The following AGBL1 variants were observed in gnomAD, a reference collection of about 807,000 sequenced individuals.
The protein encoded by AGBL1 is cytosolic carboxypeptidase 4.
A neutral mutation model predicts 118.9 loss-of-function variants in AGBL1; 130 were observed. The observed-to-expected ratio is 1.09, with a 90% confidence interval of 0.95 to 1.26. The LOEUF (loss-of-function observed/expected upper bound fraction) is 1.26. AGBL1 is among the 50% of genes most tolerant of loss of function. AGBL1 has a pLI of 0.00. For missense variants in AGBL1, 1,584 were observed against 1,298.1 expected (o/e 1.22, Z -3.38); for synonymous variants, 555 against 478.9 (o/e 1.16, Z -2.08).
intron 22 of AGBL1, among the ~76,000 whole-genome samples, chr15:86,864,016 G>A (rs948713963): frequency 6.6e-6 from 1 of 152,176 alleles, no homozygotes; most frequent in African/African-American, 2.4e-5. Context: ...GAACAGCAAA[G>A]TCCCACCTGC....
At chr15:86,646,105 C>A (rs536797482) in intron 21 of AGBL1, among the ~76,000 whole-genome samples, 1 of 152,100 alleles carries the variant, frequency 6.6e-6, no homozygotes, top group Non-Finnish European at 1.5e-5. Context: ...GTGTTTATTT[C>A]CCCGTCTTAC....
At chr15:86,281,087 G>A (rs1348232865) in intron 16 of AGBL1, among the ~76,000 whole-genome samples, 2 of 152,138 alleles carry the variant, frequency 1.3e-5, no homozygotes, top group Admixed American at 1.3e-4. Context: ...CACTGCACAT[G>A]AAAAGTCTAC....
intron 22 of AGBL1, among the ~76,000 whole-genome samples, chr15:86,772,592 A>G (rs1254683119): frequency 6.6e-6 from 1 of 152,034 alleles, no homozygotes; most frequent in African/African-American, 2.4e-5. Flanking sequence ...GAGTGAGCAG[A>G]GAAGAGGGCC....
rs769786915 is a variant in AGBL1, at chr15:86,512,924, A to AT, written c.2556-9880dup. On this transcript the variant is annotated intron_variant, in intron 18 of 22. Transcript: ENST00000614907. ...AGTTATTATTTTTTTTAAATTATAG[A>AT]TTTTTTCCTTTTTTCAAGTTATAAC... Among the ~76,000 whole-genome samples the AT allele has an allele frequency of 1.0e-3, 158 of 150,814 alleles. 1 individual carries two copies. Among genetic ancestry groups the AT allele is most frequent in the African/African-American group, 3.7e-3 (152 of 41,242 alleles).
intron 22 of AGBL1, among the ~76,000 whole-genome samples, chr15:86,724,372 C>T (rs533519265): frequency 6.6e-6 from 1 of 152,022 alleles, no homozygotes; most frequent in African/African-American, 2.4e-5. Flanking sequence ...CGGTGTGGAT[C>T]TTGAAGTCCT....
intron 18 of AGBL1, among the ~76,000 whole-genome samples, chr15:86,410,807 G>GAGAT (rs1187690696): frequency 9.9e-5 from 4 of 40,360 alleles, no homozygotes; most frequent in Non-Finnish European, 1.3e-4. Flanking sequence ...GTCAAATGTA[G>GAGAT]ATATATATAT....
At chr15:86,221,063 G>T (rs542434556) in intron 5 of AGBL1, among the ~76,000 whole-genome samples, 2 of 152,124 alleles carry the variant, frequency 1.3e-5, no homozygotes, top group East Asian at 3.9e-4. Flanking sequence ...AGCCAGGCAT[G>T]GTGGCATGCC....
rs550187774 is a variant in AGBL1, at chr15:86,600,603, T to A, written c.2994+46066T>A. Among the ~76,000 whole-genome samples the A allele has an allele frequency of 3.5e-4, 53 of 152,186 alleles. No homozygotes were observed. In the Middle Eastern group the frequency reaches 0.02, roughly 59 times the overall value. On this transcript the variant is annotated intron_variant, in intron 21 of 22. Coordinates refer to ENST00000614907, the MANE Select transcript of AGBL1 (RefSeq NM_001386094.1). ...TCACCCAAACAATCTGCTTTTTGTT[T>A]TCCTACAGAAGGCACCTTAGGTGGA...
intron 24 of AGBL1, among the ~76,000 whole-genome samples, chr15:87,020,816 G>A (rs1389739119): frequency 6.6e-6 from 1 of 151,980 alleles, no homozygotes; most frequent in Non-Finnish European, 1.5e-5. Context: ...TCTTTAAGGA[G>A]AACTACAAAC....
chr15:86,195,473 G>C (rs887159178), intron 5 of AGBL1, among the ~76,000 whole-genome samples: 1 of 152,104 alleles, frequency 6.6e-6, no homozygotes, highest in Non-Finnish European at 1.5e-5. Flanking sequence ...TTGTTAATCA[G>C]ATTCAGGGAA....
At chr15:86,211,265 G>A (rs757351861) in intron 5 of AGBL1, among the ~76,000 whole-genome samples, 2 of 152,220 alleles carry the variant, frequency 1.3e-5, no homozygotes, top group Admixed American at 6.5e-5. Flanking sequence ...CTACTGGGAG[G>A]TGTCTCCCAG....
chr15:86,158,880 A>G, intron 4 of AGBL1, 53 bp from the exon 5 acceptor site: 1 of 1,516,082 alleles, frequency 6.6e-7, no homozygotes, highest in Admixed American at 1.7e-5. Context: ...AGTTGTCTTG[A>G]GCCTTAACTC....
intron 23 of AGBL1, among the ~76,000 whole-genome samples, chr15:86,954,498 A>G (rs1441726583): frequency 6.6e-6 from 1 of 152,202 alleles, no homozygotes; most frequent in Non-Finnish European, 1.5e-5. Context: ...TGTCCTTTGC[A>G]GCAGCATAGA....
chr15:86,240,628 G>A (rs2078627105), intron 6 of AGBL1, among the ~76,000 whole-genome samples: 2 of 152,176 alleles, frequency 1.3e-5, no homozygotes, highest in Admixed American at 1.3e-4. Flanking sequence ...GTAAGTAAGA[G>A]TTCAATCCCC....
chr15:86,918,949 T>C (rs755628283), downstream of AGBL1, among the ~76,000 whole-genome samples: 4 of 152,188 alleles, frequency 2.6e-5, no homozygotes, highest in Non-Finnish European at 5.9e-5. Flanking sequence ...TCTCTGTCTG[T>C]CATGTCCGTG....
At chr15:87,024,442 C>A (rs144268154) in intron 24 of AGBL1, among the ~76,000 whole-genome samples, 79 of 151,856 alleles carry the variant, frequency 5.2e-4, no homozygotes, top group African/African-American at 1.9e-3. Flanking sequence ...AATTAGATAC[C>A]CTAAACAGAC....
intron 22 of AGBL1, among the ~76,000 whole-genome samples, chr15:86,739,183 C>A (rs2077642008): frequency 6.6e-6 from 1 of 151,894 alleles, no homozygotes; most frequent in Admixed American, 6.6e-5. Flanking sequence ...GTGGCTCATG[C>A]CTGTAATCCC....
chr15:86,173,481 C>G (rs2077441728), intron 5 of AGBL1, among the ~76,000 whole-genome samples: 1 of 151,870 alleles, frequency 6.6e-6, no homozygotes, highest in African/African-American at 2.4e-5. Flanking sequence ...TTTTTGTTGC[C>G]TGTGCTTTTG....
chr15:86,150,064 G>A (rs111334764), intron 3 of AGBL1, among the ~76,000 whole-genome samples: 9,470 of 152,212 alleles, frequency 0.062, 486 homozygotes, highest in East Asian at 0.25. Context: ...AAATAAAGAT[G>A]TTCTTTGAAA....
Sources: allele counts gnomAD v4.1 joint callset (sites outside exome capture counted in the v4.1 genomes callset), GRCh38; gene constraint gnomAD v4.1.1; transcripts MANE v1.5; gene names NCBI Gene and HGNC (gene_info 2026-07-23, HGNC 2026-07-21).